Variants in ALDOB observed in about 807,000 individuals in gnomAD.
ALDOB encodes the protein fructose-bisphosphate aldolase B.
ALDOB carries 39 observed loss-of-function variants against 41.0 expected under a neutral mutation model. The observed-to-expected ratio is 0.95, with a 90% CI of 0.74 to 1.24. The LOEUF (loss-of-function observed/expected upper bound fraction) is 1.24. Among genes scored for constraint, ALDOB ranks in the 50% most tolerant of loss-of-function variants. ALDOB has a pLI of 0.00. For synonymous variants in ALDOB, 175 were observed against 168.8 expected, an observed-to-expected ratio of 1.04 and a Z score of -0.28; for missense variants, 530 against 457.3, an observed-to-expected ratio of 1.16 and a Z score of -1.45.
intron 8 of ALDOB, among the ~76,000 whole-genome samples, chr9:101,423,633 C>A (rs1384916572): frequency 6.6e-6 from 1 of 152,174 alleles, no homozygotes; most frequent in Non-Finnish European, 1.5e-5. Flanking sequence ...CAACTGTATT[C>A]TCTTTTCTGC....
chr9:101,421,788 T>A lies in ALDOB; in HGVS notation c.*21A>T, dbSNP rs1831050596. 2 of 1,608,450 alleles carry A rather than the reference T, an allele frequency of 1.2e-6. No homozygotes were observed. Among genetic ancestry groups the A allele is most frequent in the Non-Finnish European group, 1.7e-6 (2 of 1,175,140 alleles). On this transcript the variant is annotated 3_prime_UTR_variant, in exon 9 of 9. Transcript: ENST00000647789. The stretch of plus-strand genomic sequence containing the variant: ...GCCCTCCTACTAGAAGCACTGGAGC[T>A]AGGCTGGCGGGCATTGGACCCTAGT...
chr9:101,421,752 G>A lies in ALDOB; in HGVS notation c.*57C>T. Reference sequence around the variant, plus strand: ...AATTTCCAGGATTGGAGGAAAAGTTGCTCCCTTTCAGCCCTCCTACTAGAA... The same window carrying A: ...AATTTCCAGGATTGGAGGAAAAGTTACTCCCTTTCAGCCCTCCTACTAGAA... On this transcript the variant is annotated 3_prime_UTR_variant, in exon 9 of 9. Transcript: ENST00000647789. 7.2e-7 allele frequency: 1 copy of A among 1,390,882 alleles called. No individual in the cohort carries two copies. Among genetic ancestry groups the A allele is most frequent in the Non-Finnish European group, 1.0e-6 (1 of 979,254 alleles). The allele number at this position is 1,390,882 out of a possible 1,614,324, so 86.2% of individuals were successfully genotyped here.
chr9:101,429,776 C>A lies in ALDOB; in HGVS notation c.303G>T (p.Lys101Asn). 6.2e-7 allele frequency: 1 copy of A among 1,614,136 alleles called. No homozygotes were observed. Among genetic ancestry groups the A allele is most frequent in the Non-Finnish European group, 8.5e-7 (1 of 1,180,028 alleles). Residue 101 changes from lysine (K) to asparagine (N), a missense_variant, in exon 3 of 9, where the codon AAG becomes AAT. Lys to Asn is a moderately conservative substitution (Grantham distance 94, BLOSUM62 0). Coordinates refer to ENST00000647789, the MANE Select transcript of ALDOB (RefSeq NM_000035.4). ...TCACCTTGATTCCCACCACGATCCC[C>A]TTTTCCTTGAGGATGTTTCTGAACA... ...GKLFRNILKE[K>N]GIVVGIKLDQ...
intron 5 of ALDOB, among the ~76,000 whole-genome samples, 163 bp from the exon 6 acceptor site, chr9:101,426,801 A>G (rs1831136590): frequency 6.6e-6 from 1 of 152,258 alleles, no homozygotes. Context: ...GAGATAAAAA[A>G]TAAATACAAA....
At position 101,429,858 on chromosome 9, in the gene ALDOB, A is replaced by C; in HGVS notation, c.221T>G (p.Ile74Ser). 2 of 1,614,022 alleles carry C rather than the reference A, an allele frequency of 1.2e-6. No homozygotes were observed. Among genetic ancestry groups the C allele is most frequent in the Non-Finnish European group, 1.7e-6 (2 of 1,180,006 alleles). The stretch of plus-strand genomic sequence containing the variant: ...CTCGTGGAAAAGGATCACACCCCCG[A>C]TGCTCTGGTTGATGGAACTGTCCAC... ...FSVDSSINQSIGGVILFHETL... is the reference protein window; with the variant it reads ...FSVDSSINQSSGGVILFHETL... The change falls in exon 3 of 9, where the codon ATC (isoleucine) becomes AGC (serine). Residue 74 changes from isoleucine (I) to serine (S), a missense_variant. Ile to Ser is a moderately radical substitution (Grantham distance 142). Transcript: ENST00000647789.
chr9:101,432,694 C>T (rs1183593583), intron 1 of ALDOB, among the ~76,000 whole-genome samples: 2 of 152,096 alleles, frequency 1.3e-5, no homozygotes, highest in African/African-American at 2.4e-5. Context: ...TTTCCCCTCC[C>T]ATTTAATAGA....
At position 101,421,921 on chromosome 9, in the gene ALDOB, A is replaced by G. The variant is rs371630174; in HGVS notation, c.1000-17T>C. ...GCAGTTAGCCTAGAAGACAAATATG[A>G]GAGAGGAGACTGGTTAGAGTAAATG... On this transcript the variant is annotated splice_polypyrimidine_tract_variant and intron_variant, in intron 8 of 8. Transcript: ENST00000647789. 172 of 1,607,458 alleles carry G rather than the reference A, an allele frequency of 1.1e-4. No individual in the cohort carries two copies. Among genetic ancestry groups the G allele is most frequent in the Non-Finnish European group, 1.4e-4 (163 of 1,174,850 alleles).
At chr9:101,425,386 A>G (rs1178455080) in intron 7 of ALDOB, 67 bp downstream of exon 7, 1 of 1,576,842 alleles carries the variant, frequency 6.3e-7, no homozygotes, top group Admixed American at 1.7e-5. Context: ...CTGGACAAAC[A>G]GAAAGCTTGT....
intron 1 of ALDOB, among the ~76,000 whole-genome samples, chr9:101,435,171 T>C (rs1831273312): frequency 6.6e-6 from 1 of 152,198 alleles, no homozygotes; most frequent in Non-Finnish European, 1.5e-5. Context: ...CTGTTGCATT[T>C]CCTCATTTGA....
At chr9:101,430,965 A>G in intron 1 of ALDOB, 68 bp from the exon 2 acceptor site, 2 of 1,073,318 alleles carry the variant, frequency 1.9e-6, no homozygotes, top group Non-Finnish European at 2.9e-6. Context: ...TGACCAAGAC[A>G]GTTGGGGGTG....
At chr9:101,430,661 C>T in intron 2 of ALDOB, 115 bp downstream of exon 2, 2 of 809,650 alleles carry the variant, frequency 2.5e-6, no homozygotes, top group Non-Finnish European at 4.1e-6. Flanking sequence ...CTTCTGCTCC[C>T]ACTCCCGTGT....
intron 7 of ALDOB, among the ~76,000 whole-genome samples, 179 bp downstream of exon 7, chr9:101,425,274 G>A (rs895889361): frequency 1.3e-5 from 2 of 152,166 alleles, no homozygotes; most frequent in Non-Finnish European, 2.9e-5. Flanking sequence ...TGGATTGTGG[G>A]CATTTGGGCA....
chr9:101,426,466 A>T lies in ALDOB; in HGVS notation c.624+89T>A, dbSNP rs1831130261. ...CTATCCATCCTAAAGGCTACTTCAG[A>T]TATAACAGCTGTTATATGTTAAGTA... On this transcript the variant is annotated intron_variant, in intron 6 of 8. Coordinates refer to ENST00000647789, the MANE Select transcript of ALDOB (RefSeq NM_000035.4). The T allele has an allele frequency of 2.4e-5, 20 of 846,690 alleles. No individual in the cohort carries two copies. The South Asian group carries it at 2.7e-4, about 11-fold the overall frequency. The allele number at this position is 846,690 out of a possible 1,614,324, so 52.4% of individuals were successfully genotyped here. A position where few individuals can be genotyped will look rare whatever the true frequency, so the allele number is the denominator to read the frequency against.
In ALDOB at chr9:101,427,557, G is replaced by A. The variant is rs569981883; in HGVS notation, c.465C>T (p.Ala155=). ...FGKWRAVLRI[A]DQCPSSLAIQ... ...TAGCGAGGCTGGATGGACACTGGTC[G>A]GCAATCCTCAGCACAGCACGCCACT... Residue 155 remains alanine (A), a synonymous_variant, in exon 5 of 9, where the codon GCC becomes GCT. Coordinates refer to ENST00000647789, the MANE Select transcript of ALDOB (RefSeq NM_000035.4). 41 of 1,613,982 alleles carry A rather than the reference G, an allele frequency of 2.5e-5. 1 individual carries two copies. The highest frequency in any genetic ancestry group is 1.6e-4 in the Middle Eastern group (1 of 6,084).
intron 1 of ALDOB, among the ~76,000 whole-genome samples, chr9:101,432,415 C>T (rs746358579): frequency 2.0e-5 from 3 of 152,142 alleles, no homozygotes; most frequent in Non-Finnish European, 4.4e-5. Context: ...AGCTTTGGAC[C>T]TGGCCTCCAG....
At chr9:101,435,539 A>G (rs1238207361) in intron 1 of ALDOB, among the ~76,000 whole-genome samples, 170 bp downstream of exon 1, 5 of 152,312 alleles carry the variant, frequency 3.3e-5, no homozygotes, top group African/African-American at 1.2e-4. Flanking sequence ...ATACTTAGAG[A>G]GAGGAAAACA....
chr9:101,429,808 C>T lies in ALDOB; in HGVS notation c.271G>A (p.Gly91Arg), dbSNP rs1831189846. The part of the protein sequence containing the change: ...HETLYQKDSQ[G>R]KLFRNILKEK... ...TTGAGGATGTTTCTGAACAGCTTTC[C>T]CTGGCTGTCCTTCTGGTAGAGGGTC... The change falls in exon 3 of 9, where the codon GGA becomes AGA. Residue 91 changes from glycine (G) to arginine (R), a missense_variant. By Grantham distance (125) the Gly-to-Arg change is moderately radical. Coordinates refer to ENST00000647789, the MANE Select transcript of ALDOB (RefSeq NM_000035.4). The T allele has an allele frequency of 6.2e-7, 1 of 1,614,096 alleles. No homozygotes were observed.
chr9:101,427,809 A>T (rs1831153957), intron 4 of ALDOB, among the ~76,000 whole-genome samples, 167 bp from the exon 5 acceptor site: 1 of 152,182 alleles, frequency 6.6e-6, no homozygotes, highest in South Asian at 2.1e-4. Flanking sequence ...GAACCAGAAG[A>T]CTTAGATTTA....
At chr9:101,432,142 T>C (rs770638874) in intron 1 of ALDOB, among the ~76,000 whole-genome samples, 41 of 152,304 alleles carry the variant, frequency 2.7e-4, no homozygotes, top group Admixed American at 1.2e-3. Context: ...CTCTGTCCCT[T>C]GATATAAAAA....
Sources: gnomAD v4.1 joint callset for allele counts (sites outside exome capture counted in the v4.1 genomes callset) on GRCh38, gnomAD v4.1.1 for gene constraint, MANE v1.5 for transcripts, NCBI Gene and HGNC (gene_info 2026-07-23, HGNC 2026-07-21) for gene names.